GOSR2: variants seen among roughly 807,000 people sequenced by gnomAD.
GOSR2 encodes golgi SNAP receptor complex member 2, also known as 27 kDa Golgi SNARE protein.
Under a neutral mutation model 27.9 loss-of-function variants are expected in GOSR2, and 20 were observed. That is an observed-to-expected ratio of 0.72 (90% CI 0.50 to 1.04). GOSR2 has a LOEUF of 1.04. GOSR2 is among the 50% of genes least tolerant of loss of function. The probability of loss-of-function intolerance (pLI) is 0.00; values close to 1 mark genes in which losing one functional copy is unlikely to be tolerated. For missense variants in GOSR2, 261 were observed against 270.5 expected (o/e 0.97, Z 0.25); for synonymous variants, 91 against 98.8 (o/e 0.92, Z 0.47).
At chr17:46,923,507 A>C in intron 1 of GOSR2, 1 of 1,382,922 alleles carries the variant, frequency 7.2e-7, no homozygotes, top group Non-Finnish European at 9.3e-7. Flanking sequence ...TGGCACCTGC[A>C]GGTTATAAAA....
chr17:46,949,643 G>A (rs1472907664), intron 6 of GOSR2, among the ~76,000 whole-genome samples: 2 of 152,196 alleles, frequency 1.3e-5, no homozygotes, highest in Non-Finnish European at 2.9e-5. Context: ...CAGCAATAAA[G>A]TGCACAAACC....
chr17:46,967,111 G>A (rs375304710), downstream of GOSR2: 2 of 155,868 alleles, frequency 1.3e-5, no homozygotes, highest in Admixed American at 1.3e-4. Flanking sequence ...TGGTCCTCAG[G>A]GGAAGTGTAG....
chr17:46,969,341 G>A (rs956451312), downstream of GOSR2, among the ~76,000 whole-genome samples: 2 of 152,234 alleles, frequency 1.3e-5, no homozygotes. Context: ...AGGGAGGCTG[G>A]CTGGTGTCAG....
At chr17:46,947,760 A>G (rs1339942052) in intron 6 of GOSR2, among the ~76,000 whole-genome samples, 1 of 152,146 alleles carries the variant, frequency 6.6e-6, no homozygotes, top group Non-Finnish European at 1.5e-5. Context: ...CTTGTCCGTC[A>G]CTAGAAATAG....
Position 46,941,203 on chromosome 17 carries a change from A to G in GOSR2, c.*2443A>G. ...TAAGAAAAGCCAAACTCCAAGACCA[A>G]GTAAGTTAGAGGAGTCTTGATTTTT... On this transcript the variant is annotated 3_prime_UTR_variant, in exon 6 of 6. Coordinates refer to ENST00000640051, the MANE Select transcript of GOSR2 (RefSeq NM_004287.5). The G allele has an allele frequency of 1.0e-6, 1 of 1,000,986 alleles. No homozygotes were observed. Among genetic ancestry groups the G allele is most frequent in the Non-Finnish European group, 1.2e-6 (1 of 837,696 alleles). The allele number at this position is 1,000,986 out of a possible 1,614,324, so 62.0% of individuals were successfully genotyped here.
rs1229223114 is a variant in GOSR2 at position 46,938,758 on chromosome 17, T to C, written c.637T>C (p.Ter213ArgextTer20). The change falls in exon 6 of 6, where the codon TGA becomes CGA. Residue 213 changes from the stop codon to arginine (R), a stop_lost. Transcript: ENST00000640051. ...VMFLVVQYLT[*>R] is the part of the protein sequence containing the mutation. ...GTTCCTCGTGGTGCAGTACCTGACA[T>C]GAGCCAGCCACGCTCAGTGGCTGAA... The C allele has an allele frequency of 6.2e-6, 10 of 1,613,810 alleles. No homozygotes were observed. Among genetic ancestry groups the C allele is most frequent in the African/African-American group, 2.7e-5 (2 of 74,886 alleles).
Position 46,940,074 on chromosome 17 carries a change from C to T in GOSR2, c.*1314C>T. 3.7e-6 allele frequency: 4 copies of T among 1,095,414 alleles called. No homozygotes were observed. The highest frequency in any genetic ancestry group is 4.5e-6 in the Non-Finnish European group (4 of 898,362). 67.9% of individuals were successfully genotyped at this position (1,095,414 alleles called of 1,614,324 possible). ...CTCTGTTAGTTTCTTGTTGCTTGAACTGTCTTCTGTCTTATTTCCCTTCCT... is the reference window on the plus strand; with the variant it reads ...CTCTGTTAGTTTCTTGTTGCTTGAATTGTCTTCTGTCTTATTTCCCTTCCT... On this transcript the variant is annotated 3_prime_UTR_variant, in exon 6 of 6. Transcript: ENST00000640051.
In GOSR2 at chr17:46,940,951, C is replaced by CT. The variant is rs1432616946; in HGVS notation, c.*2192dup. On this transcript the variant is annotated 3_prime_UTR_variant, in exon 6 of 6. Transcript: ENST00000640051. ...TAGACCTTGGCCTAACAGTGTGACT[C>CT]TCTCCACCGCCTCAGTGTAGGGAAG... 3 of 1,248,296 alleles carry CT rather than the reference C, an allele frequency of 2.4e-6. No individual in the cohort carries two copies. Among genetic ancestry groups the CT allele is most frequent in the African/African-American group, 3.1e-5 (2 of 65,036 alleles). 77.3% of individuals were successfully genotyped at this position (1,248,296 alleles called of 1,614,324 possible). A position where few individuals can be genotyped will look rare whatever the true frequency, so the allele number is the denominator to read the frequency against.
rs765576738 is a variant in GOSR2, at chr17:46,939,214, T to A, written c.*454T>A. The A allele has an allele frequency of 8.1e-5, 87 of 1,073,326 alleles. No homozygotes were observed. Among genetic ancestry groups the A allele is most frequent in the Non-Finnish European group, 9.4e-5 (83 of 880,100 alleles). The allele number at this position is 1,073,326 out of a possible 1,614,324, so 66.5% of individuals were successfully genotyped here. A position where few individuals can be genotyped will look rare whatever the true frequency, so the allele number is the denominator to read the frequency against. ...GGAAAGAGGCCTTTTCTCACAGCCATTATATTAAATAGTAGGTCGATTCAC... is the reference window on the plus strand; with the variant it reads ...GGAAAGAGGCCTTTTCTCACAGCCAATATATTAAATAGTAGGTCGATTCAC... On this transcript the variant is annotated 3_prime_UTR_variant, in exon 6 of 6. Coordinates refer to ENST00000640051, the MANE Select transcript of GOSR2 (RefSeq NM_004287.5).
downstream of GOSR2, among the ~76,000 whole-genome samples, chr17:46,945,115 G>T (rs955932100): frequency 6.6e-6 from 1 of 152,222 alleles, no homozygotes; most frequent in East Asian, 1.9e-4. Flanking sequence ...GAGGTGATGG[G>T]TGTGTGAAGG....
chr17:46,946,998 G>A (rs1568197812), downstream of GOSR2, among the ~76,000 whole-genome samples: 1 of 152,238 alleles, frequency 6.6e-6, no homozygotes, highest in Non-Finnish European at 1.5e-5. Flanking sequence ...CCTGGGGAAG[G>A]TGGGACGGGG....
At chr17:46,967,136 A>C (rs2091342981), downstream of GOSR2, 1 of 153,902 alleles carries the variant, frequency 6.5e-6, no homozygotes, top group Non-Finnish European at 1.4e-5. Flanking sequence ...GAAGACGGAC[A>C]TGAGAACCTA....
chr17:46,935,854 G>C (rs774139563), intron 5 of GOSR2: 5 of 986,008 alleles, frequency 5.1e-6, no homozygotes, highest in Non-Finnish European at 4.8e-6. Flanking sequence ...CCCTTTTCCT[G>C]TATCAACCCT....
At chr17:46,935,519 C>G (rs1259465422) in intron 5 of GOSR2, 27 of 1,291,314 alleles carry the variant, frequency 2.1e-5, no homozygotes, top group Non-Finnish European at 2.6e-5. Flanking sequence ...GAAGACGTGG[C>G]TGTCCTTTGG....
At chr17:46,975,002 T>C (rs1359385109) in intron 6 of GOSR2, among the ~76,000 whole-genome samples, 1 of 150,166 alleles carries the variant, frequency 6.7e-6, no homozygotes, top group South Asian at 2.1e-4. Context: ...TTTTTTTTTT[T>C]TTTTTTTTTT....
chr17:46,959,883 A>G (rs2090955537), intron 6 of GOSR2, among the ~76,000 whole-genome samples: 1 of 152,194 alleles, frequency 6.6e-6, no homozygotes, highest in Admixed American at 6.5e-5. Context: ...GAGCAGGAAG[A>G]CCGATTCATG....
intron 6 of GOSR2, among the ~76,000 whole-genome samples, chr17:46,957,089 G>C (rs532986267): frequency 6.6e-6 from 1 of 152,200 alleles, no homozygotes; most frequent in African/African-American, 2.4e-5. Context: ...CGGGTGGATC[G>C]TGTGAACCCA....
intron 6 of GOSR2, among the ~76,000 whole-genome samples, chr17:46,954,440 G>A (rs539688336): frequency 9.1e-4 from 139 of 152,246 alleles, no homozygotes; most frequent in African/African-American, 3.0e-3. Flanking sequence ...TTACTGTAGC[G>A]TTGTAGTATA....
In GOSR2 at chr17:46,929,599, G is replaced by A. The variant is rs777596710; in HGVS notation, c.94+15G>A. The A allele has an allele frequency of 2.9e-5, 38 of 1,314,576 alleles. No individual in the cohort carries two copies. The Admixed American group carries it at 6.0e-4, about 21-fold the overall frequency. The allele number at this position is 1,314,576 out of a possible 1,614,324, so 81.4% of individuals were successfully genotyped here. On this transcript the variant is annotated intron_variant, in intron 2 of 5. Transcript: ENST00000640051. ...GTCTGTGCACAGTGAGTAATTAACT[G>A]TGGAGACCAGAGTCCTTTCTCTGAT...
Sources: gnomAD v4.1 joint callset for allele counts (sites outside exome capture counted in the v4.1 genomes callset) on GRCh38, gnomAD v4.1.1 for gene constraint, MANE v1.5 for transcripts, NCBI Gene and HGNC (gene_info 2026-07-23, HGNC 2026-07-21) for gene names.